Variants in RB1CC1 observed in about 807,000 individuals in gnomAD.
RB1CC1 encodes RB1 inducible coiled-coil 1, also known as RB1-inducible coiled-coil protein 1.
RB1CC1 carries 46 observed loss-of-function variants against 177.5 expected under a neutral mutation model. That is an observed-to-expected ratio of 0.26 (90% confidence interval 0.20 to 0.33). RB1CC1 has a LOEUF of 0.33. Ranked by LOEUF, RB1CC1 falls within the 10% of genes least tolerant of loss-of-function variation. The pLI is 1.00. For missense variants in RB1CC1, 1,703 were observed against 1,816.3 expected, an observed-to-expected ratio of 0.94 and a Z score of 1.13; for synonymous variants, 666 against 613.6, an observed-to-expected ratio of 1.09 and a Z score of -1.26.
In RB1CC1 at chr8:52,704,379, A is replaced by G. The variant is rs117955437; in HGVS notation, c.-167+9696T>C. On this transcript the variant is annotated intron_variant, in intron 1 of 23. Transcript: ENST00000025008. The stretch of plus-strand genomic sequence containing the variant: ...CATTACCTGCCTTCCAAAAAGTTCA[A>G]TAATACTAATATGAAGAGAGGTATG... Among the ~76,000 whole-genome samples, 235 of 152,072 alleles carry G rather than the reference A, an allele frequency of 1.5e-3. 3 individuals carry two copies. The East Asian group carries it at 0.023, about 15-fold the overall frequency.
At chr8:52,661,815 C>T (rs1317328179) in intron 8 of RB1CC1, 96 bp from the exon 9 acceptor site, 5 of 866,918 alleles carry the variant, frequency 5.8e-6, no homozygotes, top group Admixed American at 3.6e-5. Flanking sequence ...AAACACAACC[C>T]GTTTTGTGCC....
chr8:52,666,228 ACAC>A (rs1174471044), intron 8 of RB1CC1, among the ~76,000 whole-genome samples: 2 of 152,142 alleles, frequency 1.3e-5, no homozygotes, highest in Non-Finnish European at 2.9e-5. Context: ...ATTATAAGAA[ACAC>A]CACCAAATAT....
In RB1CC1 at chr8:52,658,980, T is replaced by C. The variant is rs747479189; in HGVS notation, c.1690-4A>G. On this transcript the variant is annotated splice_region_variant and splice_polypyrimidine_tract_variant and intron_variant, in intron 12 of 23. Transcript: ENST00000025008. ...CAAACTTTCGAGGCTTTTGAGTCTG[T>C]ACCAAAAAAATTAATTACTTAAAAA... 5.4e-6 allele frequency: 8 copies of C among 1,474,846 alleles called. No homozygotes were observed. Among genetic ancestry groups the C allele is most frequent in the Non-Finnish European group, 3.6e-6 (4 of 1,107,826 alleles). The allele number at this position is 1,474,846 out of a possible 1,614,324, so 91.4% of individuals were successfully genotyped here.
At chr8:52,674,537 G>A (rs957550243) in intron 6 of RB1CC1, among the ~76,000 whole-genome samples, 2 of 152,158 alleles carry the variant, frequency 1.3e-5, no homozygotes, top group African/African-American at 4.8e-5. Context: ...GGGAGGTGGA[G>A]GGCAGCAAAT....
intron 13 of RB1CC1, 70 bp downstream of exon 13, chr8:52,658,803 C>A: frequency 9.0e-7 from 1 of 1,113,978 alleles, no homozygotes; most frequent in Non-Finnish European, 1.3e-6. Flanking sequence ...CTGGTACTAC[C>A]TGGCACAACT....
intron 22 of RB1CC1, among the ~76,000 whole-genome samples, chr8:52,627,071 G>A (rs547223232): frequency 1.3e-4 from 19 of 151,308 alleles, no homozygotes; most frequent in African/African-American, 3.9e-4. Context: ...AAAAAAGGCC[G>A]GGTACGGTGG....
At chr8:52,636,938 T>C (rs1233244739) in intron 18 of RB1CC1, among the ~76,000 whole-genome samples, 1 of 152,226 alleles carries the variant, frequency 6.6e-6, no homozygotes, top group Admixed American at 6.5e-5. Context: ...CTCTCAATTC[T>C]ATTCCACTGA....
In RB1CC1 at chr8:52,656,994, A is replaced by G. The variant is rs1322336466; in HGVS notation, c.2835T>C (p.Asn945=). 4 of 1,613,730 alleles carry G rather than the reference A, an allele frequency of 2.5e-6. No homozygotes were observed. Among genetic ancestry groups the G allele is most frequent in the African/African-American group, 2.7e-5 (2 of 75,020 alleles). ...LEMENIMHSQ[N]CEIKELKQSR... is the part of the protein sequence containing the mutation. ...ACTGCTTCAGTTCTTTAATTTCACA[A>G]TTTTGAGAGTGCATTATATTTTCCA... The change falls in exon 15 of 24, where the codon AAT becomes AAC. Residue 945 remains asparagine (N), a synonymous_variant. Transcript: ENST00000025008.
chr8:52,697,225 T>C (rs1255945383), intron 1 of RB1CC1, among the ~76,000 whole-genome samples: 1 of 150,076 alleles, frequency 6.7e-6, no homozygotes, highest in Non-Finnish European at 1.5e-5. Context: ...ACAAACATTA[T>C]GATGAATCAG....
At position 52,679,424 on chromosome 8, in the gene RB1CC1, T is replaced by C. The variant is rs575929636; in HGVS notation, c.370-2853A>G. 3.9e-5 allele frequency among the ~76,000 whole-genome samples: 6 copies of C among 152,324 alleles called. No homozygotes were observed. The East Asian group carries it at 1.2e-3, about 29-fold the overall frequency. ...GCTTCCTCTGTCTTACTGTTTATTG[T>C]TTATGTAAAAATGCAGATGCACTGA... On this transcript the variant is annotated intron_variant, in intron 5 of 23. Coordinates refer to ENST00000025008, the MANE Select transcript of RB1CC1 (RefSeq NM_014781.5).
intron 1 of RB1CC1, among the ~76,000 whole-genome samples, chr8:52,706,428 C>A (rs1856555572): frequency 6.6e-6 from 1 of 150,986 alleles, no homozygotes; most frequent in African/African-American, 2.4e-5. Flanking sequence ...GGTGCGATCT[C>A]CGCTCACTGC....
chr8:52,627,517 T>C (rs770735514), intron 22 of RB1CC1, among the ~76,000 whole-genome samples: 2 of 152,172 alleles, frequency 1.3e-5, no homozygotes, highest in Non-Finnish European at 2.9e-5. Context: ...TTTTTAGTAT[T>C]TTAAAAATCA....
chr8:52,628,239 T>C, intron 21 of RB1CC1, 71 bp from the exon 22 acceptor site: 1 of 1,361,412 alleles, frequency 7.3e-7, no homozygotes. Context: ...ACTTAGCATA[T>C]ATACTTAATG....
intron 1 of RB1CC1, among the ~76,000 whole-genome samples, chr8:52,711,561 C>A (rs1179214441): frequency 6.6e-6 from 1 of 152,192 alleles, no homozygotes; most frequent in Non-Finnish European, 1.5e-5. Flanking sequence ...ACAGATATGT[C>A]TTTCTTGTTC....
At chr8:52,664,150 A>C (rs1563403233) in intron 8 of RB1CC1, among the ~76,000 whole-genome samples, 1 of 152,192 alleles carries the variant, frequency 6.6e-6, no homozygotes, top group Non-Finnish European at 1.5e-5. Context: ...TGTCTCACTC[A>C]CCATATACCT....
intron 5 of RB1CC1, among the ~76,000 whole-genome samples, 169 bp downstream of exon 5, chr8:52,683,380 T>C (rs75006081): frequency 0.015 from 2,273 of 152,288 alleles, 22 homozygotes; most frequent in Non-Finnish European, 0.022. Context: ...GTAGAATAAC[T>C]AGCAATGTAT....
Position 52,676,417 on chromosome 8 carries a change from T to C in RB1CC1, c.524A>G (p.Tyr175Cys). 6.2e-7 allele frequency: 1 copy of C among 1,612,944 alleles called. No individual in the cohort carries two copies. The highest frequency in any genetic ancestry group is 8.5e-7 in the Non-Finnish European group (1 of 1,179,356). The change falls in exon 6 of 24, where the codon TAT becomes TGT. Residue 175 changes from tyrosine to cysteine, a missense_variant. Coordinates refer to ENST00000025008, the MANE Select transcript of RB1CC1 (RefSeq NM_014781.5). ...TTCTATGGACTGCAGATAATTTGAA[T>C]AAATACTTTCAAACTTGAAAAGTAG... ...QKLLFKFESI[Y>C]SNYLQSIEDI... is the part of the protein sequence containing the mutation.
At chr8:52,650,914 C>G (rs1419702844) in intron 15 of RB1CC1, among the ~76,000 whole-genome samples, 1 of 152,208 alleles carries the variant, frequency 6.6e-6, no homozygotes, top group Non-Finnish European at 1.5e-5. Context: ...AGTGTCCCTT[C>G]ACTTGAGGTA....
chr8:52,674,542 G>A (rs1441507418), intron 6 of RB1CC1, among the ~76,000 whole-genome samples: 1 of 152,154 alleles, frequency 6.6e-6, no homozygotes, highest in Non-Finnish European at 1.5e-5. Context: ...GTGGAGGGCA[G>A]CAAATCATTT....
Sources: allele counts gnomAD v4.1 joint callset (sites outside exome capture counted in the v4.1 genomes callset), GRCh38; gene constraint gnomAD v4.1.1; transcripts MANE v1.5; gene names NCBI Gene and HGNC (gene_info 2026-07-23, HGNC 2026-07-21).